CDH4: variants seen among roughly 807,000 people sequenced by gnomAD.
CDH4 encodes cadherin-4.
In CDH4, 33 loss-of-function variants were observed where a neutral mutation model predicts 86.0. The ratio of observed to expected loss-of-function variants is 0.38; its 90% confidence interval spans 0.29 to 0.51. The LOEUF is 0.51. CDH4 is among the 20% of genes least tolerant of loss of function. The probability of loss-of-function intolerance (pLI) is 0.86; values close to 1 mark genes in which losing one functional copy is unlikely to be tolerated. For synonymous variants in CDH4, 555 were observed against 549.4 expected, an observed-to-expected ratio of 1.01 and a Z score of -0.14; for missense variants, 1,114 against 1,307.4, an observed-to-expected ratio of 0.85 and a Z score of 2.28.
chr20:61,833,159 C>G (rs2146084345), intron 4 of CDH4, among the ~76,000 whole-genome samples: 1 of 152,184 alleles, frequency 6.6e-6, no homozygotes, highest in East Asian at 1.9e-4. Flanking sequence ...GAAACCCACA[C>G]CACTCCAGGA....
At chr20:61,603,505 G>A (rs1600799200) in intron 2 of CDH4, among the ~76,000 whole-genome samples, 1 of 152,334 alleles carries the variant, frequency 6.6e-6, no homozygotes, top group East Asian at 1.9e-4. Context: ...GGGAGGCAGG[G>A]CCAGGCTGTG....
chr20:61,421,988 C>T (rs1307141790), intron 2 of CDH4, among the ~76,000 whole-genome samples: 2 of 152,154 alleles, frequency 1.3e-5, no homozygotes, highest in East Asian at 3.9e-4. Context: ...TCACAGGCCG[C>T]GGCTATCACC....
rs377265888 is a variant in CDH4, at chr20:61,933,076, C to T, written c.2331C>T (p.Arg777=). The change falls in exon 14 of 16, where the codon CGC becomes CGT. Residue 777 remains arginine (R), a synonymous_variant. Coordinates refer to ENST00000614565, the MANE Select transcript of CDH4 (RefSeq NM_001794.5). The stretch of plus-strand genomic sequence containing the variant: ...TCATTGACCCCGAGGACGACGTCCG[C>T]GACAACATCCTCAAGTATGACGAGG... ...QLLIDPEDDV[R]DNILKYDEEG... 62 of 1,613,246 alleles carry T rather than the reference C, an allele frequency of 3.8e-5. No individual in the cohort carries two copies. Among genetic ancestry groups the T allele is most frequent in the Middle Eastern group, 3.3e-4 (2 of 6,062 alleles).
At chr20:61,419,018 A>G (rs1317929773) in intron 2 of CDH4, among the ~76,000 whole-genome samples, 1 of 152,182 alleles carries the variant, frequency 6.6e-6, no homozygotes, top group Non-Finnish European at 1.5e-5. Flanking sequence ...GGTTAGCCTC[A>G]GCAAAGACGT....
At chr20:61,738,436 G>A (rs868865) in intron 2 of CDH4, 14,725 of 151,878 alleles carry the variant, frequency 0.097, 893 homozygotes, top group South Asian at 0.2. Flanking sequence ...TTTCTCCCCC[G>A]AGAAACAACT....
intron 2 of CDH4, among the ~76,000 whole-genome samples, chr20:61,407,112 A>C (rs910119480): frequency 1.3e-5 from 2 of 152,194 alleles, no homozygotes; most frequent in Non-Finnish European, 2.9e-5. Flanking sequence ...TGTCCCCACC[A>C]AGCAAAGATG....
chr20:61,458,875 C>T (rs1488907357), intron 2 of CDH4, among the ~76,000 whole-genome samples: 4 of 152,010 alleles, frequency 2.6e-5, no homozygotes, highest in African/African-American at 9.7e-5. Context: ...TGAATTCACG[C>T]TCTGCCCCAC....
At chr20:61,742,540 AC>A (rs988943480) in intron 2 of CDH4, among the ~76,000 whole-genome samples, 3 of 151,822 alleles carry the variant, frequency 2.0e-5, no homozygotes, top group Non-Finnish European at 4.4e-5. Flanking sequence ...GTAAGCTGTG[AC>A]AGCAAAATTG....
At chr20:61,590,451 C>G (rs527572077) in intron 2 of CDH4, among the ~76,000 whole-genome samples, 1 of 152,328 alleles carries the variant, frequency 6.6e-6, no homozygotes, top group African/African-American at 2.4e-5. Context: ...CACTCTCTCC[C>G]GATCTGCGAC....
intron 2 of CDH4, among the ~76,000 whole-genome samples, chr20:61,299,776 G>A (rs774459957): frequency 3.4e-4 from 52 of 152,124 alleles, no homozygotes; most frequent in Non-Finnish European, 5.6e-4. Flanking sequence ...TCATAAAACC[G>A]TCATCCAGAT....
At chr20:61,875,711 C>T (rs1983992177) in intron 7 of CDH4, among the ~76,000 whole-genome samples, 1 of 152,226 alleles carries the variant, frequency 6.6e-6, no homozygotes, top group African/African-American at 2.4e-5. Flanking sequence ...GGCCATGAAC[C>T]AGCGCCCGCT....
chr20:61,553,762 A>G (rs1202623188), intron 2 of CDH4, among the ~76,000 whole-genome samples: 5 of 152,166 alleles, frequency 3.3e-5, no homozygotes, highest in Admixed American at 2.6e-4. Flanking sequence ...ACTTCTTCCA[A>G]TTCTATCTCC....
intron 2 of CDH4, among the ~76,000 whole-genome samples, chr20:61,523,160 G>A (rs148274404): frequency 1.8e-4 from 28 of 152,354 alleles, no homozygotes; most frequent in Admixed American, 1.4e-3. Context: ...TAGCCACAGA[G>A]GTGGGAAGGC....
chr20:61,259,156 T>G (rs1204058710), intron 2 of CDH4, among the ~76,000 whole-genome samples: 1 of 152,228 alleles, frequency 6.6e-6, no homozygotes, highest in East Asian at 1.9e-4. Flanking sequence ...GACAGTGAAT[T>G]GCTGAATGAG....
rs57202906 is a variant in CDH4 at position 61,322,403 on chromosome 20, C to T, written c.169+67466C>T. Among the ~76,000 whole-genome samples the T allele has an allele frequency of 7.2e-3, 1,098 of 152,298 alleles. 13 individuals carry two copies. Among genetic ancestry groups the T allele is most frequent in the African/African-American group, 0.025 (1,048 of 41,566 alleles). On this transcript the variant is annotated intron_variant, in intron 2 of 15. Transcript: ENST00000614565. ...AGCCCACACCTGCAGCTGAACTGAGCGGAGACCTGGCTCCTGCAGTATCTG... is the reference window on the plus strand; with the variant it reads ...AGCCCACACCTGCAGCTGAACTGAGTGGAGACCTGGCTCCTGCAGTATCTG...
intron 2 of CDH4, among the ~76,000 whole-genome samples, chr20:61,735,894 A>G (rs1452541928): frequency 6.6e-6 from 1 of 152,148 alleles, no homozygotes; most frequent in Admixed American, 6.5e-5. Context: ...CCAAATATTG[A>G]GGATGTGCTT....
At chr20:61,659,218 A>G (rs2087225602) in intron 2 of CDH4, among the ~76,000 whole-genome samples, 1 of 152,240 alleles carries the variant, frequency 6.6e-6, no homozygotes, top group South Asian at 2.1e-4. Context: ...GGGGTTTGAA[A>G]GTGGACTTGG....
At position 61,910,431 on chromosome 20, in the gene CDH4, G is replaced by A. The variant is rs370373224; in HGVS notation, c.1198G>A (p.Glu400Lys). ...PEFTASTFAG[E>K]VPENRVETVV... ...TCCTTCCATTTTGCAGTTTGCAGGG[G>A]AGGTCCCCGAAAACCGCGTGGAGAC... Residue 400 changes from glutamate to lysine, a missense_variant, in exon 9 of 16, where the codon GAG becomes AAG. Physicochemically the swap from Glu to Lys is moderately conservative, Grantham distance 56 (BLOSUM62 1). Around this residue, in one of 3 missense-constraint regions of CDH4, gnomAD observed 705 missense variants for 914.1 expected, o/e 0.77. Coordinates refer to ENST00000614565, the MANE Select transcript of CDH4 (RefSeq NM_001794.5). The A allele has an allele frequency of 5.0e-6, 8 of 1,612,852 alleles. No homozygotes were observed. Among genetic ancestry groups the A allele is most frequent in the Non-Finnish European group, 6.8e-6 (8 of 1,179,250 alleles).
At chr20:61,669,611 C>T (rs1195706166) in intron 2 of CDH4, among the ~76,000 whole-genome samples, 1 of 152,144 alleles carries the variant, frequency 6.6e-6, no homozygotes, top group Non-Finnish European at 1.5e-5. Flanking sequence ...GAAACTTATC[C>T]GGTGTGTAAT....
Sources: allele counts gnomAD v4.1 joint callset (sites outside exome capture counted in the v4.1 genomes callset), GRCh38; gene constraint gnomAD v4.1.1; regional missense constraint gnomAD v4.1.1; transcripts MANE v1.5; gene names NCBI Gene and HGNC (gene_info 2026-07-23, HGNC 2026-07-21).